The following MARCHF11 variants were observed in gnomAD, a reference collection of about 807,000 sequenced individuals.
MARCHF11 encodes the protein membrane associated ring-CH-type finger 11, also known as E3 ubiquitin-protein ligase MARCHF11.
MARCHF11 carries 29 observed loss-of-function variants against 37.3 expected under a neutral mutation model. The observed-to-expected ratio is 0.78, with a 90% CI of 0.58 to 1.06. MARCHF11 has a LOEUF of 1.06. MARCHF11 is among the 50% of genes least tolerant of loss of function. The pLI is 0.00. For synonymous variants in MARCHF11, 233 were observed against 228.0 expected, an observed-to-expected ratio of 1.02 and a Z score of -0.20; for missense variants, 482 against 533.4, an observed-to-expected ratio of 0.90 and a Z score of 0.95.
chr5:16,095,439 AG>A (rs1736850729), intron 2 of MARCHF11, among the ~76,000 whole-genome samples: 1 of 137,194 alleles, frequency 7.3e-6, no homozygotes, highest in African/African-American at 2.6e-5. Context: ...ATTAAGAGGA[AG>A]AGAGGAAAGG....
At chr5:16,109,488 C>G (rs1226932796) in intron 2 of MARCHF11, among the ~76,000 whole-genome samples, 1 of 152,200 alleles carries the variant, frequency 6.6e-6, no homozygotes, top group Non-Finnish European at 1.5e-5. Flanking sequence ...AGGATGGTGC[C>G]CGGAGAGGGC....
chr5:16,082,943 G>T (rs1367205442), intron 3 of MARCHF11, among the ~76,000 whole-genome samples: 1 of 151,590 alleles, frequency 6.6e-6, no homozygotes, highest in Non-Finnish European at 1.5e-5. Context: ...CCACTCCATG[G>T]GTGAATGCTG....
chr5:16,105,778 GT>G (rs967340604), intron 2 of MARCHF11, among the ~76,000 whole-genome samples: 69 of 151,150 alleles, frequency 4.6e-4, no homozygotes, highest in African/African-American at 1.6e-3. Flanking sequence ...CTGGCTTCCT[GT>G]TTTTTTTTGT....
intron 2 of MARCHF11, among the ~76,000 whole-genome samples, chr5:16,113,910 A>G (rs1480282974): frequency 6.6e-6 from 1 of 152,096 alleles, no homozygotes; most frequent in African/African-American, 2.4e-5. Flanking sequence ...ACCCAAACCT[A>G]TCTCTTTGGG....
At chr5:16,132,655 C>T (rs1417067805) in intron 2 of MARCHF11, among the ~76,000 whole-genome samples, 1 of 152,020 alleles carries the variant, frequency 6.6e-6, no homozygotes. Context: ...TTGGCCTGGA[C>T]ACCAAGAGTA....
At position 16,177,735 on chromosome 5, in the gene MARCHF11, T is replaced by C; in HGVS notation, c.684A>G (p.Gln228=). 6.2e-7 allele frequency: 1 copy of C among 1,601,360 alleles called. No homozygotes were observed. Among genetic ancestry groups the C allele is most frequent in the Admixed American group, 1.8e-5 (1 of 57,140 alleles). The change falls in exon 2 of 4, where the codon CAA becomes CAG. Residue 228 remains glutamine (Q), a synonymous_variant. Coordinates refer to ENST00000332432, the MANE Select transcript of MARCHF11 (RefSeq NM_001102562.3). ...TGTTGAAACTGCTTACCTGGCAAGG[T>C]TGTTTCATTTTAATGGCTATAACAT... ...RYHVIAIKMK[Q]PCQWQSISIT... is the part of the protein sequence containing the mutation.
At chr5:16,162,521 C>T (rs1210157590) in intron 2 of MARCHF11, among the ~76,000 whole-genome samples, 2 of 152,080 alleles carry the variant, frequency 1.3e-5, no homozygotes, top group African/African-American at 4.8e-5. Context: ...CCTTCACTGA[C>T]CATTCTATCT....
intron 2 of MARCHF11, among the ~76,000 whole-genome samples, chr5:16,131,088 A>T (rs1737507564): frequency 6.6e-6 from 1 of 152,254 alleles, no homozygotes. Context: ...TAGAAGGGAA[A>T]GGTAAATTAA....
At chr5:16,084,846 A>T (rs1177769753) in intron 3 of MARCHF11, among the ~76,000 whole-genome samples, 3 of 151,834 alleles carry the variant, frequency 2.0e-5, no homozygotes, top group Non-Finnish European at 2.9e-5. Context: ...GGTTATTTTT[A>T]AAAATTCCCT....
chr5:16,169,774 A>C (rs1738228347), intron 2 of MARCHF11, among the ~76,000 whole-genome samples: 1 of 152,084 alleles, frequency 6.6e-6, no homozygotes, highest in Non-Finnish European at 1.5e-5. Context: ...TCTGCCATCC[A>C]TTTACTTGTA....
At chr5:16,100,105 C>T (rs183082956) in intron 2 of MARCHF11, among the ~76,000 whole-genome samples, 4 of 152,158 alleles carry the variant, frequency 2.6e-5, no homozygotes, top group Admixed American at 2.0e-4. Context: ...ACTGGGGGTT[C>T]CTGGGATAAG....
chr5:16,178,020 T>G lies in MARCHF11; in HGVS notation c.538-139A>C, dbSNP rs951834034. 30 of 737,538 alleles carry G rather than the reference T, an allele frequency of 4.1e-5. No individual in the cohort carries two copies. The East Asian group carries it at 8.1e-4, about 20-fold the overall frequency. The allele number at this position is 737,538 out of a possible 1,614,324, so 45.7% of individuals were successfully genotyped here. On this transcript the variant is annotated intron_variant, in intron 1 of 3. Transcript: ENST00000332432. The stretch of plus-strand genomic sequence containing the variant: ...TATCATAGGAAATGAAATTAAAATT[T>G]TATACCTCTGATGGGAATGAAACTA...
chr5:16,107,941 G>A (rs767617533), intron 2 of MARCHF11, among the ~76,000 whole-genome samples: 2 of 152,046 alleles, frequency 1.3e-5, no homozygotes, highest in Admixed American at 6.6e-5. Flanking sequence ...ATCCTGTTGA[G>A]AGCCACCTCT....
At chr5:16,084,921 CA>C (rs1201988081) in intron 3 of MARCHF11, among the ~76,000 whole-genome samples, 1 of 151,868 alleles carries the variant, frequency 6.6e-6, no homozygotes, top group Non-Finnish European at 1.5e-5. Context: ...TTCATTATTT[CA>C]AAAGAGCCTC....
intron 2 of MARCHF11, among the ~76,000 whole-genome samples, chr5:16,100,346 A>T (rs1424318246): frequency 6.6e-6 from 1 of 152,236 alleles, no homozygotes; most frequent in Non-Finnish European, 1.5e-5. Flanking sequence ...TAGATGAATC[A>T]GAACAAAGGT....
intron 3 of MARCHF11, among the ~76,000 whole-genome samples, chr5:16,079,124 G>A (rs1736566173): frequency 6.6e-6 from 1 of 152,158 alleles, no homozygotes. Flanking sequence ...CAGGGTCCAT[G>A]TGGATGGCTT....
intron 2 of MARCHF11, among the ~76,000 whole-genome samples, chr5:16,114,665 T>G (rs1231667682): frequency 6.6e-6 from 1 of 151,976 alleles, no homozygotes; most frequent in Non-Finnish European, 1.5e-5. Flanking sequence ...CTTTACTTTT[T>G]TTTTTTAAGA....
In MARCHF11 at chr5:16,076,588, T is replaced by C. The variant is rs556050576; in HGVS notation, c.887-8795A>G. On this transcript the variant is annotated intron_variant, in intron 3 of 3. Transcript: ENST00000332432. ...ACCTTGCAGCAAAGGGGGAGCATCA[T>C]ATATCACAGGGGTAAGAACATCAAG... Among the ~76,000 whole-genome samples, 15 of 152,326 alleles carry C rather than the reference T, an allele frequency of 9.8e-5. No individual in the cohort carries two copies. In the South Asian group the frequency reaches 2.1e-3, roughly 21 times the overall value.
chr5:16,160,813 CA>C (rs1191422249), intron 2 of MARCHF11, among the ~76,000 whole-genome samples: 3 of 151,460 alleles, frequency 2.0e-5, no homozygotes, highest in African/African-American at 7.3e-5. Context: ...ATTTATTTTC[CA>C]AAAAGGTGAA....
Sources: gnomAD v4.1 joint callset for allele counts (sites outside exome capture counted in the v4.1 genomes callset) on GRCh38, gnomAD v4.1.1 for gene constraint, MANE v1.5 for transcripts, NCBI Gene and HGNC (gene_info 2026-07-23, HGNC 2026-07-21) for gene names.